Variants in GATAD1 observed in about 807,000 individuals in gnomAD.
GATAD1 encodes GATA zinc finger domain-containing protein 1.
A neutral mutation model predicts 26.5 loss-of-function variants in GATAD1; 12 were observed. That is an observed-to-expected ratio of 0.45 (90% CI 0.29 to 0.73). The LOEUF (loss-of-function observed/expected upper bound fraction) is 0.73. Among genes scored for constraint, GATAD1 ranks in the 30% least tolerant of loss-of-function variants. The pLI is 0.10. For synonymous variants in GATAD1, 129 were observed against 133.1 expected, an observed-to-expected ratio of 0.97 and a Z score of 0.21; for missense variants, 266 against 342.1, an observed-to-expected ratio of 0.78 and a Z score of 1.75.
At chr7:92,471,038 G>A in the GATAD1 span, 15 of 167,048 alleles carry the variant, frequency 9.0e-5, no homozygotes, top group Non-Finnish European at 1.8e-4. Context: ...GGGTTACTGT[G>A]GCCTGGAAAG....
chr7:92,481,875 G>C, the GATAD1 span, among the ~76,000 whole-genome samples: 1 of 152,340 alleles, frequency 6.6e-6, no homozygotes, highest in East Asian at 1.9e-4. Flanking sequence ...ATCAGTTGGA[G>C]ACGCAATTGG....
At chr7:92,477,150 G>A in the GATAD1 span, among the ~76,000 whole-genome samples, 1 of 152,040 alleles carries the variant, frequency 6.6e-6, no homozygotes, top group Non-Finnish European at 1.5e-5. Flanking sequence ...GTCGGCCCTC[G>A]GCTTCCCCAA....
chr7:92,466,454 C>G, the GATAD1 span, among the ~76,000 whole-genome samples: 18 of 152,294 alleles, frequency 1.2e-4, no homozygotes, highest in South Asian at 3.7e-3. Context: ...AGCCACCACA[C>G]CCAGCCAGCA....
At chr7:92,488,215 T>C in the GATAD1 span, among the ~76,000 whole-genome samples, 1 of 152,344 alleles carries the variant, frequency 6.6e-6, no homozygotes, top group East Asian at 1.9e-4. Flanking sequence ...CAGACTGTTC[T>C]TACCATAATA....
chr7:92,473,385 G>T, the GATAD1 span, among the ~76,000 whole-genome samples: 1 of 152,068 alleles, frequency 6.6e-6, no homozygotes, highest in Non-Finnish European at 1.5e-5. Flanking sequence ...TCCTTGTTGG[G>T]CCTTGGGTCT....
the GATAD1 span, among the ~76,000 whole-genome samples, chr7:92,492,128 A>G: frequency 6.6e-6 from 1 of 152,184 alleles, no homozygotes; most frequent in African/African-American, 2.4e-5. Flanking sequence ...TGGGATACAG[A>G]AAGTACAAGA....
chr7:92,483,150 G>A, the GATAD1 span, among the ~76,000 whole-genome samples: 2 of 152,190 alleles, frequency 1.3e-5, no homozygotes, highest in African/African-American at 4.8e-5. Flanking sequence ...GAGTTGGACA[G>A]TCCGATTTCC....
chr7:92,470,062 G>C, the GATAD1 span: 4 of 778,706 alleles, frequency 5.1e-6, no homozygotes, highest in Admixed American at 1.7e-5. Flanking sequence ...GGTGAAGTAA[G>C]TCCAACAGAC....
chr7:92,462,672 A>G (rs937900045), downstream of GATAD1, among the ~76,000 whole-genome samples: 2 of 152,194 alleles, frequency 1.3e-5, no homozygotes, highest in African/African-American at 4.8e-5. Flanking sequence ...AGGCAATGGT[A>G]TTAGGGGAGT....
chr7:92,473,039 G>A, the GATAD1 span: 1 of 152,208 alleles, frequency 6.6e-6, no homozygotes, highest in South Asian at 2.1e-4. Context: ...TGAACCCTTG[G>A]GGTAAAATAG....
At chr7:92,478,778 C>G in the GATAD1 span, among the ~76,000 whole-genome samples, 1 of 152,186 alleles carries the variant, frequency 6.6e-6, no homozygotes, top group Non-Finnish European at 1.5e-5. Context: ...CTTTGATATG[C>G]AAATGCAGGC....
the GATAD1 span, chr7:92,468,270 A>C: frequency 6.0e-5 from 10 of 168,016 alleles, no homozygotes; most frequent in South Asian, 1.6e-4. Flanking sequence ...GACACCCTGC[A>C]TGATCCAGAG....
In GATAD1 at chr7:92,454,644, C is replaced by A. The variant is rs780188711; in HGVS notation, c.578C>A (p.Ser193Tyr). 2.5e-6 allele frequency: 4 copies of A among 1,609,144 alleles called. No individual in the cohort carries two copies. The highest frequency in any genetic ancestry group is 2.5e-6 in the Non-Finnish European group (3 of 1,178,334). Reference protein sequence around the residue: ...AALTWLIPTLSSPRDQFDPAS... With the variant: ...AALTWLIPTLYSPRDQFDPAS... Reference sequence around the variant, plus strand: ...CTGACGTGGCTCATTCCTACCCTCTCTAGCCCCAGAGACCAATTTGATCCC... The same window carrying A: ...CTGACGTGGCTCATTCCTACCCTCTATAGCCCCAGAGACCAATTTGATCCC... The change falls in exon 4 of 5, where the codon TCT becomes TAT. Residue 193 changes from serine (S) to tyrosine (Y), a missense_variant. By Grantham distance (144) the Ser-to-Tyr change is moderately radical. Coordinates refer to ENST00000287957, the MANE Select transcript of GATAD1 (RefSeq NM_021167.5).
downstream of GATAD1, among the ~76,000 whole-genome samples, chr7:92,464,251 C>G (rs1274038274): frequency 6.6e-6 from 1 of 152,154 alleles, no homozygotes; most frequent in Non-Finnish European, 1.5e-5. Context: ...GGTGTGTGTT[C>G]TGTTTTGTAA....
chr7:92,489,718 C>T, the GATAD1 span: 2 of 1,612,788 alleles, frequency 1.2e-6, no homozygotes, highest in African/African-American at 2.7e-5. Context: ...CCATACTCCA[C>T]TTTGGCTCCG....
chr7:92,452,170 A>G (rs1789463904), intron 3 of GATAD1, among the ~76,000 whole-genome samples: 2 of 152,216 alleles, frequency 1.3e-5, no homozygotes, highest in South Asian at 4.1e-4. Context: ...CAACTTGTTG[A>G]GCTACGGGTT....
chr7:92,469,253 C>T, the GATAD1 span: 1 of 651,982 alleles, frequency 1.5e-6, no homozygotes, highest in East Asian at 2.8e-5. Flanking sequence ...AGGACTACTG[C>T]TGCTAGGGAG....
At chr7:92,469,996 A>G in the GATAD1 span, 5,880 of 777,896 alleles carry the variant, frequency 7.6e-3, 42 homozygotes, top group Middle Eastern at 0.019. Flanking sequence ...TACTTCTTTT[A>G]CATGTTTTTC....
chr7:92,448,949 A>C, intron 2 of GATAD1, 72 bp downstream of exon 2: 2 of 1,460,956 alleles, frequency 1.4e-6, no homozygotes, highest in Non-Finnish European at 1.9e-6. Context: ...TTCATTTCTC[A>C]CCATTGAACT....
Sources: allele counts gnomAD v4.1 joint callset (sites outside exome capture counted in the v4.1 genomes callset), GRCh38; gene constraint gnomAD v4.1.1; transcripts MANE v1.5; gene names NCBI Gene and HGNC (gene_info 2026-07-23, HGNC 2026-07-21).